SPON1: variants seen among roughly 807,000 people sequenced by gnomAD.
SPON1 encodes the protein spondin 1, also known as spondin-1.
A neutral mutation model predicts 111.7 loss-of-function variants in SPON1; 52 were observed. The ratio of observed to expected loss-of-function variants is 0.47; its 90% CI spans 0.37 to 0.59. The LOEUF (loss-of-function observed/expected upper bound fraction) is 0.59. Ranked by LOEUF, SPON1 falls within the 20% of genes least tolerant of loss-of-function variation. The pLI is 0.00. For synonymous variants in SPON1, 410 were observed against 395.8 expected (o/e 1.04, Z -0.43); for missense variants, 957 against 1,068.5 (o/e 0.90, Z 1.46).
chr11:14,159,452 A>C (rs1281515264), intron 6 of SPON1, among the ~76,000 whole-genome samples: 1 of 152,134 alleles, frequency 6.6e-6, no homozygotes, highest in African/African-American at 2.4e-5. Context: ...TTAGTACAAG[A>C]ACTATGGAGA....
chr11:14,240,399 T>A (rs527363499), intron 6 of SPON1, among the ~76,000 whole-genome samples: 2 of 152,010 alleles, frequency 1.3e-5, no homozygotes, highest in African/African-American at 2.4e-5. Context: ...ACCCTGCAGA[T>A]GTTGTGTAAC....
At chr11:14,149,183 G>A (rs7113621) in intron 6 of SPON1, among the ~76,000 whole-genome samples, 1,898 of 152,226 alleles carry the variant, frequency 0.012, 21 homozygotes, top group African/African-American at 0.031. Flanking sequence ...TACTGCCCCC[G>A]AGGACCTTCC....
intron 14 of SPON1, among the ~76,000 whole-genome samples, chr11:14,261,203 C>G (rs1849167280): frequency 2.0e-5 from 3 of 152,134 alleles, no homozygotes; most frequent in Non-Finnish European, 4.4e-5. Context: ...GAAAACAAGC[C>G]AAGTTCTCAA....
At chr11:14,031,206 G>A (rs1286587810) in intron 2 of SPON1, among the ~76,000 whole-genome samples, 1 of 152,180 alleles carries the variant, frequency 6.6e-6, no homozygotes, top group East Asian at 1.9e-4. Context: ...ACCGGAGCAG[G>A]AAGAGATTAA....
At chr11:14,055,289 C>T (rs1848737125) in intron 3 of SPON1, among the ~76,000 whole-genome samples, 1 of 152,060 alleles carries the variant, frequency 6.6e-6, no homozygotes, top group Admixed American at 6.5e-5. Context: ...AAAAAAGATC[C>T]CACCCAAAGG....
intron 3 of SPON1, among the ~76,000 whole-genome samples, chr11:14,056,713 C>T (rs575803038): frequency 6.6e-6 from 1 of 152,152 alleles, no homozygotes; most frequent in East Asian, 1.9e-4. Context: ...CACGGTGAAA[C>T]CCCGTCTCTA....
At chr11:14,043,051 C>T (rs1043393896) in intron 3 of SPON1, among the ~76,000 whole-genome samples, 2 of 152,176 alleles carry the variant, frequency 1.3e-5, no homozygotes, top group Admixed American at 1.3e-4. Context: ...GAAATCATAT[C>T]TATAAATGTC....
At chr11:14,154,401 T>C (rs10832208) in intron 6 of SPON1, among the ~76,000 whole-genome samples, 59,750 of 152,146 alleles carry the variant, frequency 0.39, 11,998 homozygotes, top group East Asian at 0.55. Context: ...GAAGCCTTGG[T>C]GGCTTCCAGC....
At chr11:14,096,976 T>C (rs956977003) in intron 5 of SPON1, among the ~76,000 whole-genome samples, 5 of 152,222 alleles carry the variant, frequency 3.3e-5, no homozygotes, top group African/African-American at 1.2e-4. Context: ...TAAAAGATTA[T>C]ACATCCCCAC....
chr11:14,252,613 C>T (rs1390939873), intron 7 of SPON1, among the ~76,000 whole-genome samples: 1 of 128,786 alleles, frequency 7.8e-6, no homozygotes, highest in African/African-American at 2.7e-5. Context: ...GAATCCAACG[C>T]TATGTACTTG....
At chr11:14,025,388 C>T (rs546667856) in intron 2 of SPON1, among the ~76,000 whole-genome samples, 25 of 152,314 alleles carry the variant, frequency 1.6e-4, no homozygotes, top group African/African-American at 6.0e-4. Context: ...AGGCACAATG[C>T]TAGGTGCTGG....
chr11:14,224,758 T>C (rs782362646), intron 6 of SPON1: 14 of 501,184 alleles, frequency 2.8e-5, no homozygotes, highest in African/African-American at 1.8e-4. Flanking sequence ...CTGAGGGAGA[T>C]ATGAGGCCGG....
intron 6 of SPON1, among the ~76,000 whole-genome samples, chr11:14,172,032 A>G (rs1367697393): frequency 2.6e-5 from 4 of 152,162 alleles, no homozygotes; most frequent in Non-Finnish European, 5.9e-5. Flanking sequence ...GCTGAGTTCA[A>G]TTCCTGGATA....
chr11:14,132,094 T>C (rs187909490), intron 5 of SPON1, among the ~76,000 whole-genome samples: 1 of 152,102 alleles, frequency 6.6e-6, no homozygotes, highest in Non-Finnish European at 1.5e-5. Context: ...CTGGCCAACA[T>C]GGTGAAACCC....
chr11:13,982,304 A>G (rs372115467), intron 1 of SPON1, among the ~76,000 whole-genome samples: 1 of 152,166 alleles, frequency 6.6e-6, no homozygotes, highest in Admixed American at 6.5e-5. Context: ...GGGCTACTGT[A>G]TATCATGTCT....
chr11:14,264,182 A>G (rs1266662596), intron 15 of SPON1, among the ~76,000 whole-genome samples: 1 of 152,196 alleles, frequency 6.6e-6, no homozygotes, highest in Non-Finnish European at 1.5e-5. Flanking sequence ...GGCAGGCAGG[A>G]AACCAGGCTG....
chr11:14,144,631 C>T (rs1361738360), intron 6 of SPON1, among the ~76,000 whole-genome samples: 1 of 66,666 alleles, frequency 1.5e-5, no homozygotes, highest in African/African-American at 5.9e-5. Flanking sequence ...GAGACTCCAT[C>T]TCCAATAATA....
At chr11:14,164,962 C>G (rs1848011014) in intron 6 of SPON1, among the ~76,000 whole-genome samples, 1 of 152,172 alleles carries the variant, frequency 6.6e-6, no homozygotes, top group Non-Finnish European at 1.5e-5. Context: ...CAAAATATCT[C>G]AAGCACTGAT....
intron 2 of SPON1, among the ~76,000 whole-genome samples, chr11:14,007,720 G>T (rs192915810): frequency 1.6e-4 from 25 of 152,238 alleles, no homozygotes; most frequent in Non-Finnish European, 3.2e-4. Context: ...GGCTCACCCC[G>T]ATCTCCTGCT....
Sources: gnomAD v4.1 joint callset for allele counts (sites outside exome capture counted in the v4.1 genomes callset) on GRCh38, gnomAD v4.1.1 for gene constraint, MANE v1.5 for transcripts, NCBI Gene and HGNC (gene_info 2026-07-23, HGNC 2026-07-21) for gene names.